The following ANK3 variants were observed in gnomAD, a reference collection of about 807,000 sequenced individuals.
ANK3 encodes ankyrin-3.
ANK3 carries 57 observed loss-of-function variants against 370.9 expected under a neutral mutation model. That is an observed-to-expected ratio of 0.15 (90% CI 0.12 to 0.19). The LOEUF (loss-of-function observed/expected upper bound fraction) is 0.19, where lower values mean the gene tolerates loss of function less well. ANK3 is among the 10% of genes least tolerant of loss of function. The probability of loss-of-function intolerance (pLI) is 1.00; values close to 1 mark genes in which losing one functional copy is unlikely to be tolerated. For synonymous variants in ANK3, 1,929 were observed against 1,946.3 expected, an observed-to-expected ratio of 0.99 and a Z score of 0.23; for missense variants, 4,439 against 5,302.1, an observed-to-expected ratio of 0.84 and a Z score of 5.06.
intron 1 of ANK3, among the ~76,000 whole-genome samples, chr10:60,353,747 G>A (rs1473536314): frequency 2.0e-5 from 3 of 152,146 alleles, no homozygotes; most frequent in African/African-American, 4.8e-5. Flanking sequence ...AAGATCACAC[G>A]GGCAGTTTTT....
chr10:60,433,168 A>G (rs940969024), intron 2 of ANK3, among the ~76,000 whole-genome samples: 16 of 152,306 alleles, frequency 1.1e-4, no homozygotes, highest in African/African-American at 3.8e-4. Flanking sequence ...AAAAGAGAAC[A>G]TAAGTAACAC....
chr10:60,196,391 T>C, intron 15 of ANK3, 136 bp downstream of exon 15: 1 of 926,922 alleles, frequency 1.1e-6, no homozygotes, highest in South Asian at 1.6e-5. Flanking sequence ...ATTTACCTTT[T>C]ATTTCCCAAG....
At chr10:60,457,378 G>C (rs1004661721) in intron 2 of ANK3, among the ~76,000 whole-genome samples, 1 of 152,164 alleles carries the variant, frequency 6.6e-6, no homozygotes, top group Non-Finnish European at 1.5e-5. Flanking sequence ...TATGGATGTT[G>C]AAGGAAATGA....
Position 60,063,178 on chromosome 10 carries a change from A to G in ANK3, c.12528T>C (p.Asp4176=). 6.2e-7 allele frequency: 1 copy of G among 1,613,602 alleles called. No homozygotes were observed. The highest frequency in any genetic ancestry group is 2.2e-5 in the East Asian group (1 of 44,838). Residue 4176 remains aspartate (D), a synonymous_variant, in exon 40 of 44, where the codon GAT becomes GAC. Coordinates refer to ENST00000280772, the MANE Select transcript of ANK3 (RefSeq NM_020987.5). ...IVTLLEGPIF[D]YGNISGTRSF... ...TTCTGGTGCCTGAAATATTTCCATAATCAAATATTGGTCCTTCTAGCAGTG... is the reference window on the plus strand; with the variant it reads ...TTCTGGTGCCTGAAATATTTCCATAGTCAAATATTGGTCCTTCTAGCAGTG...
In ANK3 at chr10:60,640,837, G is replaced by A. The variant is rs1007991004; in HGVS notation, c.58-25613C>T. On this transcript the variant is annotated intron_variant, in intron 1 of 43. Coordinates refer to the ANK3 transcript ENST00000373827. ...TAAAGGGTATTCAATTAGGAAAAGAGGAAGTCAAATTGTCCCTGTTTGCAG... is the reference window on the plus strand; with the variant it reads ...TAAAGGGTATTCAATTAGGAAAAGAAGAAGTCAAATTGTCCCTGTTTGCAG... Among the ~76,000 whole-genome samples, 37 of 99,282 alleles carry A rather than the reference G, an allele frequency of 3.7e-4. 6 individuals carry two copies. The highest frequency in any genetic ancestry group is 7.3e-4 in the Non-Finnish European group (33 of 45,012). The allele number at this position is 99,282 out of a possible 152,430, so 65.1% of individuals were successfully genotyped here.
At chr10:60,314,753 G>C (rs2047061004) in intron 1 of ANK3, among the ~76,000 whole-genome samples, 1 of 152,162 alleles carries the variant, frequency 6.6e-6, no homozygotes, top group Non-Finnish European at 1.5e-5. Flanking sequence ...GTTGACAGGT[G>C]CAAGAATGTG....
chr10:60,533,366 C>T (rs1304905716), intron 2 of ANK3, among the ~76,000 whole-genome samples: 2 of 152,122 alleles, frequency 1.3e-5, no homozygotes, highest in East Asian at 1.9e-4. Context: ...AGGAGCTGGA[C>T]AGAGGGTTTA....
intron 1 of ANK3, among the ~76,000 whole-genome samples, chr10:60,683,966 T>C (rs2079231217): frequency 6.6e-6 from 1 of 152,216 alleles, no homozygotes; most frequent in South Asian, 2.1e-4. Context: ...TCTTTAAAAC[T>C]CATGGAAATA....
At position 60,270,046 on chromosome 10, in the gene ANK3, C is replaced by G. The variant is rs1030758882; in HGVS notation, c.513+85G>C. 8 of 760,170 alleles carry G rather than the reference C, an allele frequency of 1.1e-5. No individual in the cohort carries two copies. The African/African-American group carries it at 1.4e-4, about 14-fold the overall frequency. 47.1% of individuals were successfully genotyped at this position (760,170 alleles called of 1,614,324 possible). On this transcript the variant is annotated intron_variant, in intron 5 of 43. Transcript: ENST00000280772. Reference sequence around the variant, plus strand: ...TTAATATAAAACTTCAATTGAAATACTAGTAGGACAAATTCACAACTCCAG... The same window carrying G: ...TTAATATAAAACTTCAATTGAAATAGTAGTAGGACAAATTCACAACTCCAG...
intron 23 of ANK3, among the ~76,000 whole-genome samples, chr10:60,162,308 G>A (rs1270283126): frequency 6.6e-6 from 1 of 152,150 alleles, no homozygotes; most frequent in Non-Finnish European, 1.5e-5. Context: ...GACTTTGGGG[G>A]CAGGGGAATG....
chr10:60,661,212 T>A (rs368424841), intron 1 of ANK3, among the ~76,000 whole-genome samples: 1 of 151,744 alleles, frequency 6.6e-6, no homozygotes, highest in Admixed American at 6.6e-5. Flanking sequence ...GTATCTAGGT[T>A]ACAGTTTTAT....
intron 2 of ANK3, among the ~76,000 whole-genome samples, chr10:60,551,238 A>T (rs2077081536): frequency 6.6e-6 from 1 of 152,184 alleles, no homozygotes; most frequent in East Asian, 1.9e-4. Flanking sequence ...CATGGTCAAT[A>T]CATTCAATAA....
Position 60,388,607 on chromosome 10 carries a change from C to CT in ANK3, c.114+817dup, listed in dbSNP as rs141627715. ...CCTAGGAGTCATATTTAAGGGCACTCTAAGTACTCACGGGCTATAATAAAT... is the reference window on the plus strand; with the variant it reads ...CCTAGGAGTCATATTTAAGGGCACTCTTAAGTACTCACGGGCTATAATAAAT... On this transcript the variant is annotated intron_variant, in intron 1 of 43. Transcript: ENST00000280772. Among the ~76,000 whole-genome samples, 323 of 152,262 alleles carry CT rather than the reference C, an allele frequency of 2.1e-3. 2 individuals carry two copies. Among genetic ancestry groups the CT allele is most frequent in the African/African-American group, 7.7e-3 (318 of 41,540 alleles).
intron 2 of ANK3, among the ~76,000 whole-genome samples, chr10:60,598,956 T>C (rs1400716469): frequency 6.6e-6 from 1 of 152,166 alleles, no homozygotes; most frequent in Admixed American, 6.5e-5. Context: ...TGAGACAGGG[T>C]CTTGCTCTGT....
rs542442530 is a variant in ANK3, at chr10:60,728,807, A to G, written c.57+4456T>C. 1.1e-4 allele frequency among the ~76,000 whole-genome samples: 16 copies of G among 152,300 alleles called. No homozygotes were observed. The South Asian group carries it at 3.3e-3, about 32-fold the overall frequency. On this transcript the variant is annotated intron_variant, in intron 1 of 43. Transcript: ENST00000373827. ...TTCCAATCCAATTTCAGGTTACCAA[A>G]TTACAGCTTGTATAGTCTTCCTGAA...
intron 1 of ANK3, among the ~76,000 whole-genome samples, chr10:60,726,461 T>C (rs969329510): frequency 6.6e-6 from 1 of 152,222 alleles, no homozygotes; most frequent in Non-Finnish European, 1.5e-5. Flanking sequence ...ATATTCATCA[T>C]GTACCAAGTG....
At chr10:60,169,369 T>TG (rs2095713936) in intron 21 of ANK3, among the ~76,000 whole-genome samples, 2 of 145,422 alleles carry the variant, frequency 1.4e-5, no homozygotes, top group African/African-American at 2.7e-5. Flanking sequence ...TCATAGTTTT[T>TG]TTTTTTTTTT....
At chr10:60,620,148 C>T (rs2078316160) in intron 1 of ANK3, among the ~76,000 whole-genome samples, 2 of 152,060 alleles carry the variant, frequency 1.3e-5, no homozygotes, top group African/African-American at 2.4e-5. Flanking sequence ...AAATAATGAC[C>T]CTGTTTCCAA....
chr10:60,625,398 C>T (rs78672327), intron 1 of ANK3, among the ~76,000 whole-genome samples: 1,687 of 152,264 alleles, frequency 0.011, 25 homozygotes, highest in African/African-American at 0.038. Flanking sequence ...AATTCACCTA[C>T]ATCATTGTCC....
Sources: gnomAD v4.1 joint callset for allele counts (sites outside exome capture counted in the v4.1 genomes callset) on GRCh38, gnomAD v4.1.1 for gene constraint, MANE v1.5 for transcripts, NCBI Gene and HGNC (gene_info 2026-07-23, HGNC 2026-07-21) for gene names.